Variants in MTUS2 observed in about 807,000 individuals in gnomAD.
The protein encoded by MTUS2 is microtubule associated scaffold protein 2, also known as microtubule-associated tumor suppressor candidate 2.
A neutral mutation model predicts 114.1 loss-of-function variants in MTUS2; 40 were observed. That is an observed-to-expected ratio of 0.35 (90% CI 0.27 to 0.46). The LOEUF is 0.46. Ranked by LOEUF, MTUS2 falls within the 20% of genes least tolerant of loss-of-function variation. The probability of loss-of-function intolerance (pLI) is 1.00; values close to 1 mark genes in which losing one functional copy is unlikely to be tolerated. For synonymous variants in MTUS2, 688 were observed against 672.0 expected (o/e 1.02, Z -0.37); for missense variants, 1,679 against 1,705.4 (o/e 0.98, Z 0.27).
At chr13:29,070,583 T>C (rs1593444038) in intron 4 of MTUS2, among the ~76,000 whole-genome samples, 1 of 152,126 alleles carries the variant, frequency 6.6e-6, no homozygotes, top group East Asian at 1.9e-4. Context: ...TTTAAAACTT[T>C]TTAGTGGCAT....
intron 8 of MTUS2, among the ~76,000 whole-genome samples, chr13:29,419,664 A>G (rs1048505037): frequency 3.3e-5 from 5 of 152,220 alleles, no homozygotes; most frequent in African/African-American, 7.2e-5. Flanking sequence ...TTGTGTTGTC[A>G]TTCAGCCAGT....
chr13:29,277,387 T>C (rs1272261269), intron 5 of MTUS2, among the ~76,000 whole-genome samples: 1 of 152,232 alleles, frequency 6.6e-6, no homozygotes. Context: ...TTCATGGAAC[T>C]TAACAAGCTG....
intron 8 of MTUS2, among the ~76,000 whole-genome samples, chr13:29,380,036 G>A (rs1017984419): frequency 3.9e-5 from 6 of 152,334 alleles, no homozygotes; most frequent in African/African-American, 1.4e-4. Context: ...AACAATAACT[G>A]TATGTGAGAC....
intron 5 of MTUS2, among the ~76,000 whole-genome samples, chr13:29,219,105 A>T (rs1308062264): frequency 1.4e-5 from 2 of 138,284 alleles, no homozygotes; most frequent in East Asian, 4.4e-4. Context: ...TATATCTCCC[A>T]ATGCTATCCC....
intron 2 of MTUS2, among the ~76,000 whole-genome samples, chr13:29,014,464 C>T (rs1885982198): frequency 1.3e-5 from 2 of 152,222 alleles, no homozygotes; most frequent in African/African-American, 4.8e-5. Flanking sequence ...GAGTACTAGC[C>T]TGGTCACTGG....
intron 11 of MTUS2, 153 bp downstream of exon 11, chr13:29,488,158 AAG>A: frequency 1.6e-6 from 1 of 628,456 alleles, no homozygotes. Flanking sequence ...CTGGGAAAAG[AAG>A]AGATAGGAAT....
chr13:29,443,046 T>C (rs1878009074), intron 9 of MTUS2, among the ~76,000 whole-genome samples: 2 of 152,130 alleles, frequency 1.3e-5, no homozygotes, highest in Non-Finnish European at 2.9e-5. Context: ...GATGAGTTTC[T>C]AGGGGGTTCC....
At chr13:29,228,388 A>G (rs573242454) in intron 5 of MTUS2, among the ~76,000 whole-genome samples, 49 of 152,292 alleles carry the variant, frequency 3.2e-4, no homozygotes, top group African/African-American at 1.2e-3. Context: ...TGACGTGACC[A>G]TAGCTCACTG....
At chr13:29,126,872 T>C (rs1891540839) in intron 5 of MTUS2, among the ~76,000 whole-genome samples, 1 of 152,204 alleles carries the variant, frequency 6.6e-6, no homozygotes, top group Non-Finnish European at 1.5e-5. Context: ...TCAGCACATG[T>C]GGTTAATGGT....
chr13:28,940,163 T>C (rs1882147200), intron 2 of MTUS2, among the ~76,000 whole-genome samples: 1 of 152,156 alleles, frequency 6.6e-6, no homozygotes, highest in South Asian at 2.1e-4. Flanking sequence ...CCTATGTTTG[T>C]GCAGTCATGT....
intron 5 of MTUS2, among the ~76,000 whole-genome samples, chr13:29,122,911 T>A (rs1416989617): frequency 6.6e-6 from 1 of 152,268 alleles, no homozygotes; most frequent in Non-Finnish European, 1.5e-5. Flanking sequence ...AAAATGTAGC[T>A]TTTGTGGACA....
intron 4 of MTUS2, among the ~76,000 whole-genome samples, chr13:29,060,218 G>A (rs554967862): frequency 1.9e-4 from 29 of 152,314 alleles, no homozygotes; most frequent in African/African-American, 6.7e-4. Flanking sequence ...GGGGACCAAG[G>A]CTTGTGGTGG....
intron 7 of MTUS2, among the ~76,000 whole-genome samples, chr13:29,338,382 T>C (rs1901194105): frequency 6.6e-6 from 1 of 152,030 alleles, no homozygotes; most frequent in Non-Finnish European, 1.5e-5. Flanking sequence ...AGCTCAGGAA[T>C]TGAAGACCAG....
chr13:29,158,358 C>CCCCCCCCCGTTTT, intron 5 of MTUS2, among the ~76,000 whole-genome samples: 1 of 32,048 alleles, frequency 3.1e-5, no homozygotes, highest in African/African-American at 2.1e-4. Context: ...GTCCACCCCG[C>CCCCCCCCCGTTTT]TTTTTTTTTT....
rs1011878071 is a variant in MTUS2 at position 29,389,179 on chromosome 13, A to G, written c.3117+29706A>G. On this transcript the variant is annotated intron_variant, in intron 8 of 15. Transcript: ENST00000612955. ...ACCAAAGATTGTTTTGACTATATAT[A>G]TATCTATATATCTATATAGATATAT... Among the ~76,000 whole-genome samples the G allele has an allele frequency of 2.8e-5, 4 of 144,726 alleles. No individual in the cohort carries two copies. The Admixed American group carries it at 2.8e-4, about 10-fold the overall frequency. The allele number at this position is 144,726 out of a possible 152,430, so 94.9% of individuals were successfully genotyped here. A position where few individuals can be genotyped will look rare whatever the true frequency, so the allele number is the denominator to read the frequency against.
In MTUS2 at chr13:29,224,033, C is replaced by A. The variant is rs192405592; in HGVS notation, c.2645-57671C>A. Among the ~76,000 whole-genome samples the A allele has an allele frequency of 9.2e-4, 140 of 152,360 alleles. 1 individual carries two copies. The highest frequency in any genetic ancestry group is 2.7e-3 in the African/African-American group (114 of 41,590). On this transcript the variant is annotated intron_variant, in intron 5 of 15. Transcript: ENST00000612955. Reference sequence around the variant, plus strand: ...TGGCTGGACCCCACACTCTCTCACTCACACATTCCTTGCTGCTCCACACCT... The same window carrying A: ...TGGCTGGACCCCACACTCTCTCACTAACACATTCCTTGCTGCTCCACACCT...
At chr13:29,184,340 AT>A (rs1011324664) in intron 5 of MTUS2, among the ~76,000 whole-genome samples, 1 of 152,026 alleles carries the variant, frequency 6.6e-6, no homozygotes, top group East Asian at 1.9e-4. Context: ...CACTGTTCTG[AT>A]TTTTTTTAAC....
chr13:28,862,463 A>G (rs1044019731), intron 2 of MTUS2, among the ~76,000 whole-genome samples: 8 of 152,314 alleles, frequency 5.3e-5, no homozygotes, highest in Non-Finnish European at 1.0e-4. Flanking sequence ...ATTCAAAAAA[A>G]TTAGCCAGGC....
At chr13:29,044,891 A>C (rs749883070) in intron 4 of MTUS2, among the ~76,000 whole-genome samples, 1 of 152,112 alleles carries the variant, frequency 6.6e-6, no homozygotes, top group African/African-American at 2.4e-5. Flanking sequence ...AGTCTATCTC[A>C]TGTGCTTGTG....
Sources: gnomAD v4.1 joint callset for allele counts (sites outside exome capture counted in the v4.1 genomes callset) on GRCh38, gnomAD v4.1.1 for gene constraint, MANE v1.5 for transcripts, NCBI Gene and HGNC (gene_info 2026-07-23, HGNC 2026-07-21) for gene names.